Variants in FOXO4 observed in about 807,000 individuals in gnomAD.
FOXO4 encodes forkhead box O4, also known as forkhead box protein O4.
A neutral mutation model predicts 20.8 loss-of-function variants in FOXO4; 3 were observed. The ratio of observed to expected loss-of-function variants is 0.14; its 90% CI spans 0.07 to 0.37. The LOEUF is 0.37. FOXO4 is among the 10% of genes least tolerant of loss of function. FOXO4 has a pLI of 1.00. For missense variants in FOXO4, 309 were observed against 431.9 expected (o/e 0.72, Z 2.52); for synonymous variants, 158 against 180.0 (o/e 0.88, Z 0.98).
rs2092233696 is a variant in FOXO4, at chrX:71,102,265, T to G, written c.*181T>G. ...AAAGCTGCCCCATCTGGGGACGATA[T>G]GGGGAGGGAGATGGGAGGGGAAAGG... is the stretch of plus-strand genomic sequence containing the variant. On this transcript the variant is annotated 3_prime_UTR_variant, in exon 3 of 3. Transcript: ENST00000374259. 2 of 467,604 alleles carry G rather than the reference T, an allele frequency of 4.3e-6. No homozygotes were observed. The highest frequency in any genetic ancestry group is 3.7e-6 in the Non-Finnish European group (1 of 270,587). The allele number at this position is 467,604 out of a possible 1,213,427, so 38.5% of individuals were successfully genotyped here.
In FOXO4 at chrX:71,101,114, G is replaced by T; in HGVS notation, c.884G>T (p.Gly295Val). The change falls in exon 2 of 3, where the codon GGT (glycine) becomes GTT (valine). Residue 295 changes from glycine to valine, a missense_variant. By Grantham distance (109) the Gly-to-Val change is moderately radical (BLOSUM62 -3). This residue lies in a region of FOXO4 where 223 missense variants were observed against 302.7 expected (regional missense o/e 0.74). Coordinates refer to ENST00000374259, the MANE Select transcript of FOXO4 (RefSeq NM_005938.4). ...GCTTCAGTCAGCAGTTATGCAGGGG[G>T]TGTCCCTCCCACCCTCAATGAAGGT... ...IPASVSSYAGGVPPTLNEGLE... is the reference protein window; with the variant it reads ...IPASVSSYAGVVPPTLNEGLE... 2 of 1,211,642 alleles carry T rather than the reference G, an allele frequency of 1.7e-6. No individual in the cohort carries two copies. The highest frequency in any genetic ancestry group is 2.2e-6 in the Non-Finnish European group (2 of 895,431).
Position 71,101,333 on chromosome X carries a change from C to G in FOXO4, c.1103C>G (p.Ala368Gly). Reference protein sequence around the residue: ...GCFSSSQALEALLTSDTPPPP... With the variant: ...GCFSSSQALEGLLTSDTPPPP... ...TTCTCCAGCTCCCAGGCTCTGGAGGCCCTGCTCACCTCTGATACGCCACCA... is the reference window on the plus strand; with the variant it reads ...TTCTCCAGCTCCCAGGCTCTGGAGGGCCTGCTCACCTCTGATACGCCACCA... The change falls in exon 2 of 3, where the codon GCC becomes GGC. Residue 368 changes from alanine to glycine, a missense_variant. By Grantham distance (60) the Ala-to-Gly change is moderately conservative. This residue lies in a region of FOXO4 where 223 missense variants were observed against 302.7 expected (regional missense o/e 0.74). Transcript: ENST00000374259. 1 of 1,211,533 alleles carries G rather than the reference C, an allele frequency of 8.3e-7. No individual in the cohort carries two copies. The highest frequency in any genetic ancestry group is 1.1e-6 in the Non-Finnish European group (1 of 895,368).
Position 71,101,649 on chromosome X carries a change from T to C in FOXO4, c.1419T>C (p.Asp473=), listed in dbSNP as rs2092232078. 1 of 1,209,289 alleles carries C rather than the reference T, an allele frequency of 8.3e-7. No homozygotes were observed. Among genetic ancestry groups the C allele is most frequent in the East Asian group, 3.0e-5 (1 of 33,822 alleles). ...QDRMPQDLDL[D]MYMENLECDM... ...GAATGCCTCAGGATCTAGATCTTGA[T>C]ATGTATATGGAGAACCTGGAGTGTG... The change falls in exon 2 of 3, where the codon GAT becomes GAC. Residue 473 remains aspartate (D), a synonymous_variant. Transcript: ENST00000374259.
chrX:71,102,082 T>C lies in FOXO4; in HGVS notation c.1516T>C (p.Ter506ArgextTer35). 1.7e-6 allele frequency: 2 copies of C among 1,210,130 alleles called. No homozygotes were observed. The highest frequency in any genetic ancestry group is 1.1e-6 in the Non-Finnish European group (1 of 894,241). The change falls in exon 3 of 3, where the codon TGA becomes CGA. Residue 506 changes from the stop codon to arginine (R), a stop_lost. Coordinates refer to ENST00000374259, the MANE Select transcript of FOXO4 (RefSeq NM_005938.4). ...GLDFNFEPDP[*>R] ...TCTGTTTCTTCTTCCCACAGATCCC[T>C]GAGTCATGCCTGGAAGCTTTGTCCC...
chrX:71,100,543 G>A (rs2092228115), intron 1 of FOXO4, 141 bp from the exon 2 acceptor site: 2 of 362,417 alleles, frequency 5.5e-6, no homozygotes, highest in Admixed American at 1.1e-4. Flanking sequence ...ATGAAGCCCC[G>A]AAATGAACCC....
At chrX:71,097,680 A>G (rs2092221676) in intron 1 of FOXO4, among the ~76,000 whole-genome samples, 1 of 111,936 alleles carries the variant, frequency 8.9e-6, no homozygotes, top group Non-Finnish European at 1.9e-5. Context: ...TTAGTCATGA[A>G]GAAGGAGGTA....
chrX:71,096,404 C>A lies in FOXO4; in HGVS notation c.-125C>A, dbSNP rs2092218067. 2 of 615,805 alleles carry A rather than the reference C, an allele frequency of 3.2e-6. No homozygotes were observed. Among genetic ancestry groups the A allele is most frequent in the African/African-American group, 4.5e-5 (2 of 44,301 alleles). The allele number at this position is 615,805 out of a possible 1,213,427, so 50.7% of individuals were successfully genotyped here. A position where few individuals can be genotyped will look rare whatever the true frequency, so the allele number is the denominator to read the frequency against. On this transcript the variant is annotated 5_prime_UTR_variant, in exon 1 of 3. Coordinates refer to ENST00000374259, the MANE Select transcript of FOXO4 (RefSeq NM_005938.4). The stretch of plus-strand genomic sequence containing the variant: ...CGTCCTGGGACTAGGGGGAAGTTCG[C>A]GACTTTCTGAAGACTGGCAGGAATG...
chrX:71,100,612 A>G, intron 1 of FOXO4, 72 bp from the exon 2 acceptor site: 1 of 834,660 alleles, frequency 1.2e-6, no homozygotes, highest in Middle Eastern at 3.3e-4. Context: ...GCATCCTCTT[A>G]GACTTGACCG....
At chrX:71,100,175 T>TCC (rs2092226930) in intron 1 of FOXO4, among the ~76,000 whole-genome samples, 4 of 99,039 alleles carry the variant, frequency 4.0e-5, no homozygotes. Context: ...CAGGTACCGC[T>TCC]CCCCCCACCC....
intron 1 of FOXO4, 90 bp downstream of exon 1, chrX:71,097,071 T>G: frequency 2.6e-5 from 18 of 699,335 alleles, no homozygotes; most frequent in Non-Finnish European, 3.6e-5. Context: ...CCCCTTTTAC[T>G]ACCTCCCACC....
chrX:71,101,879 C>A, intron 2 of FOXO4, 139 bp downstream of exon 2: 1 of 675,548 alleles, frequency 1.5e-6, no homozygotes, highest in Non-Finnish European at 2.4e-6. Context: ...GGGAAGATGT[C>A]ATATTACAGT....
Position 71,103,521 on chromosome X carries a change from T to G in FOXO4, c.*1437T>G. On this transcript the variant is annotated 3_prime_UTR_variant, in exon 3 of 3. Coordinates refer to ENST00000374259, the MANE Select transcript of FOXO4 (RefSeq NM_005938.4). The stretch of plus-strand genomic sequence containing the variant: ...TCAATAAATGAATAAATTCAATAAA[T>G]GCCTATAACCAGCTCTGGTTTCTGC... 1 of 156,048 alleles carries G rather than the reference T, an allele frequency of 6.4e-6. No individual in the cohort carries two copies. Among genetic ancestry groups the G allele is most frequent in the East Asian group, 9.9e-5 (1 of 10,083 alleles). The allele number at this position is 156,048 out of a possible 1,213,427, so 12.9% of individuals were successfully genotyped here.
In FOXO4 at chrX:71,101,110, G is replaced by A. The variant is rs779386768; in HGVS notation, c.880G>A (p.Gly294Arg). The A allele has an allele frequency of 2.5e-6, 3 of 1,209,843 alleles. No individual in the cohort carries two copies. Among genetic ancestry groups the A allele is most frequent in the East Asian group, 5.9e-5 (2 of 33,762 alleles). Residue 294 changes from glycine to arginine, a missense_variant, in exon 2 of 3, where the codon GGG becomes AGG. Coordinates refer to ENST00000374259, the MANE Select transcript of FOXO4 (RefSeq NM_005938.4). The stretch of plus-strand genomic sequence containing the variant: ...ACCAGCTTCAGTCAGCAGTTATGCA[G>A]GGGGTGTCCCTCCCACCCTCAATGA... ...EIPASVSSYA[G>R]GVPPTLNEGL...
Position 71,100,917 on chromosome X carries a change from G to A in FOXO4, c.687G>A (p.Thr229=), listed in dbSNP as rs142962975. The change falls in exon 2 of 3, where the codon ACG becomes ACA. Residue 229 remains threonine, a synonymous_variant. Coordinates refer to ENST00000374259, the MANE Select transcript of FOXO4 (RefSeq NM_005938.4). ...LPAPPEGATP[T]SPVGHFAKWS... ...CTCCACCCGAAGGTGCCACTCCAAC[G>A]AGCCCTGTCGGCCACTTTGCCAAGT... 5.8e-4 allele frequency: 703 copies of A among 1,209,599 alleles called. 2 individuals carry two copies. In the African/African-American group the frequency reaches 0.011, roughly 18 times the overall value.
At chrX:71,097,118 A>G (rs2092220331) in intron 1 of FOXO4, 137 bp downstream of exon 1, 2 of 464,472 alleles carry the variant, frequency 4.3e-6, no homozygotes, top group African/African-American at 5.4e-5. Context: ...TCCACCTTCA[A>G]TCTCCAGTTA....
Position 71,103,215 on chromosome X carries a change from C to T in FOXO4, c.*1131C>T, listed in dbSNP as rs2092236336. 1 of 173,189 alleles carries T rather than the reference C, an allele frequency of 5.8e-6. No individual in the cohort carries two copies. The highest frequency in any genetic ancestry group is 1.1e-5 in the Non-Finnish European group (1 of 89,609). 14.3% of individuals were successfully genotyped at this position (173,189 alleles called of 1,213,427 possible). Reference sequence around the variant, plus strand: ...TGGAAGTGTGTGTGGCAGCAGGCAGCGGGGAGGGGAGGAACAGGGAAGGGG... The same window carrying T: ...TGGAAGTGTGTGTGGCAGCAGGCAGTGGGGAGGGGAGGAACAGGGAAGGGG... On this transcript the variant is annotated 3_prime_UTR_variant, in exon 3 of 3. Transcript: ENST00000374259.
intron 1 of FOXO4, among the ~76,000 whole-genome samples, chrX:71,098,519 C>T (rs144775820): frequency 8.9e-6 from 1 of 112,112 alleles, no homozygotes; most frequent in East Asian, 2.8e-4. Flanking sequence ...CAGGGGGCGG[C>T]ACTCACTTAG....
In FOXO4 at chrX:71,096,457, CT is replaced by C. The variant is rs1435860926; in HGVS notation, c.-71del. ...CCTCCTGGCCCTCGATGCTTCCCCC[CT>C]GAGGGGAGGCATCGTGAGGGACTGT... On this transcript the variant is annotated 5_prime_UTR_variant, in exon 1 of 3. It introduces an in-frame stop codon into an upstream open reading frame of the 5' UTR. Transcript: ENST00000374259. 1.8e-5 allele frequency: 18 copies of C among 997,514 alleles called. No homozygotes were observed. Among genetic ancestry groups the C allele is most frequent in the Non-Finnish European group, 2.4e-5 (17 of 723,165 alleles). 82.2% of individuals were successfully genotyped at this position (997,514 alleles called of 1,213,427 possible).
At position 71,100,903 on chromosome X, in the gene FOXO4, G is replaced by T. The variant is rs758569871; in HGVS notation, c.673G>T (p.Gly225Cys). The change falls in exon 2 of 3, where the codon GGT becomes TGT. Residue 225 changes from glycine to cysteine, a missense_variant. Transcript: ENST00000374259. The stretch of plus-strand genomic sequence containing the variant: ...ATCTGTGCTGCCAGCTCCACCCGAA[G>T]GTGCCACTCCAACGAGCCCTGTCGG... ...KPSVLPAPPE[G>C]ATPTSPVGHF... 2 of 1,211,648 alleles carry T rather than the reference G, an allele frequency of 1.7e-6. No homozygotes were observed. Among genetic ancestry groups the T allele is most frequent in the Non-Finnish European group, 1.1e-6 (1 of 895,317 alleles).
Sources: gnomAD v4.1 joint callset for allele counts (sites outside exome capture counted in the v4.1 genomes callset) on GRCh38, gnomAD v4.1.1 for gene constraint, gnomAD v4.1.1 regional missense constraint, MANE v1.5 for transcripts, NCBI Gene and HGNC (gene_info 2026-07-23, HGNC 2026-07-21) for gene names.